MILR1: variants seen among roughly 807,000 people sequenced by gnomAD.
MILR1 encodes mast cell immunoglobulin like receptor 1.
Under a neutral mutation model 18.5 loss-of-function variants are expected in MILR1, and 31 were observed. The ratio of observed to expected loss-of-function variants is 1.68; its 90% CI spans 1.26 to 2.26. The LOEUF (loss-of-function observed/expected upper bound fraction) is 2.26, where lower values mean the gene tolerates loss of function less well. Ranked by LOEUF, MILR1 falls within the 30% of genes most tolerant of loss-of-function variation. The pLI is 0.00. For missense variants in MILR1, 257 were observed against 157.4 expected, an observed-to-expected ratio of 1.63 and a Z score of -3.38; for synonymous variants, 85 against 56.2, an observed-to-expected ratio of 1.51 and a Z score of -2.30.
At chr17:64,482,307 T>C in the MILR1 span, among the ~76,000 whole-genome samples, 5 of 150,740 alleles carry the variant, frequency 3.3e-5, no homozygotes, top group African/African-American at 1.2e-4. Context: ...TTTTGCCATA[T>C]TGGCCAGGCA....
chr17:64,458,248 T>C (rs2144036666), intron 4 of MILR1, among the ~76,000 whole-genome samples: 1 of 151,478 alleles, frequency 6.6e-6, no homozygotes, highest in African/African-American at 2.4e-5. Context: ...AGTGTCACTC[T>C]GTTGCCCAGG....
chr17:64,457,418 T>G lies in MILR1; in HGVS notation c.386T>G (p.Val129Gly). Residue 129 changes from valine to glycine, a missense_variant, in exon 4 of 10, where the codon GTG (valine) becomes GGG (glycine). Transcript: ENST00000619286. ...CTTCCAGACCCGGTGACTTCCCCAGTGCTGAACATTATGGTCATTCAAACA... is the reference window on the plus strand; with the variant it reads ...CTTCCAGACCCGGTGACTTCCCCAGGGCTGAACATTATGGTCATTCAAACA... ...FTIVDPVTSP[V>G]LNIMVIQTET... 2.1e-6 allele frequency: 1 copy of G among 475,412 alleles called. No individual in the cohort carries two copies. Among genetic ancestry groups the G allele is most frequent in the Non-Finnish European group, 3.9e-6 (1 of 259,064 alleles). 29.4% of individuals were successfully genotyped at this position (475,412 alleles called of 1,614,324 possible).
the MILR1 span, chr17:64,485,791 G>A: frequency 6.2e-7 from 1 of 1,612,326 alleles, no homozygotes; most frequent in African/African-American, 1.3e-5. Flanking sequence ...AATCATAGAG[G>A]TAGGCCAGCA....
chr17:64,455,915 C>G (rs2037288406), intron 3 of MILR1, among the ~76,000 whole-genome samples: 4 of 151,980 alleles, frequency 2.6e-5, no homozygotes, highest in Non-Finnish European at 5.9e-5. Context: ...TGGTGGGCAC[C>G]TGTAATCCCC....
chr17:64,470,758 A>T (rs537036256), downstream of MILR1, among the ~76,000 whole-genome samples: 94 of 152,138 alleles, frequency 6.2e-4, no homozygotes, highest in Non-Finnish European at 1.2e-3. Flanking sequence ...GATAAATGAG[A>T]GTGGCTTAAA....
chr17:64,451,577 T>C (rs2037170696), intron 2 of MILR1, among the ~76,000 whole-genome samples: 1 of 152,000 alleles, frequency 6.6e-6, no homozygotes, highest in Admixed American at 6.6e-5. Context: ...CTAGCATTCC[T>C]AGATAAAAAA....
chr17:64,465,554 T>C lies in MILR1; in HGVS notation c.853+13T>C. 6.3e-7 allele frequency: 1 copy of C among 1,596,142 alleles called. No homozygotes were observed. The highest frequency in any genetic ancestry group is 8.5e-7 in the Non-Finnish European group (1 of 1,171,284). ...GAAAAACAAGCAAGTAAGAGAACTT[T>C]GTTGCGTGTTTTGGGTGGTTTCAGG... On this transcript the variant is annotated intron_variant, in intron 6 of 9. Coordinates refer to ENST00000619286, the MANE Select transcript of MILR1 (RefSeq NM_001085423.2).
the MILR1 span, among the ~76,000 whole-genome samples, chr17:64,479,706 ACT>A: frequency 6.6e-6 from 1 of 152,180 alleles, no homozygotes; most frequent in African/African-American, 2.4e-5. Context: ...GATATTGGTG[ACT>A]CTAACTTGGG....
chr17:64,491,677 TGAA>T, the MILR1 span: 1 of 1,227,972 alleles, frequency 8.1e-7, no homozygotes. Flanking sequence ...TACATCAACG[TGAA>T]GAAGGGGAGC....
At chr17:64,497,258 A>T in the MILR1 span, among the ~76,000 whole-genome samples, 1 of 152,226 alleles carries the variant, frequency 6.6e-6, no homozygotes, top group Non-Finnish European at 1.5e-5. Flanking sequence ...AGTAAAGGTT[A>T]TTCCCACCTA....
At chr17:64,477,711 C>T in the MILR1 span, 1 of 1,159,314 alleles carries the variant, frequency 8.6e-7, no homozygotes, top group East Asian at 2.7e-5. Context: ...TGAATGAAAG[C>T]AAGCACCACA....
chr17:64,492,909 T>C, the MILR1 span: 1 of 1,614,144 alleles, frequency 6.2e-7, no homozygotes. Context: ...TAACACCATT[T>C]CGTATCTGCT....
At chr17:64,484,482 GAGA>G in the MILR1 span, among the ~76,000 whole-genome samples, 2 of 152,152 alleles carry the variant, frequency 1.3e-5, no homozygotes, top group Non-Finnish European at 2.9e-5. Context: ...TGAGTGAGAT[GAGA>G]AGCTTTCCTG....
chr17:64,479,793 G>T, the MILR1 span, among the ~76,000 whole-genome samples: 1 of 152,178 alleles, frequency 6.6e-6, no homozygotes, highest in Admixed American at 6.5e-5. Flanking sequence ...TAGACTGGAT[G>T]TAGAGAATGA....
At chr17:64,456,778 G>A (rs1476798385) in intron 3 of MILR1, among the ~76,000 whole-genome samples, 2 of 152,052 alleles carry the variant, frequency 1.3e-5, no homozygotes, top group African/African-American at 2.4e-5. Flanking sequence ...CTCCAGCATG[G>A]TTGAAAGAGC....
At chr17:64,462,295 G>A (rs963044736) in intron 5 of MILR1, among the ~76,000 whole-genome samples, 2 of 152,026 alleles carry the variant, frequency 1.3e-5, no homozygotes, top group African/African-American at 4.8e-5. Context: ...CTCCCACAGT[G>A]TTGGGATTAT....
chr17:64,451,992 G>A (rs928490847), intron 2 of MILR1, among the ~76,000 whole-genome samples: 8 of 151,178 alleles, frequency 5.3e-5, no homozygotes, highest in African/African-American at 1.9e-4. Context: ...CCAGATCAAA[G>A]AGTGGGAGGA....
chr17:64,489,931 GT>G, the MILR1 span, among the ~76,000 whole-genome samples: 135 of 143,406 alleles, frequency 9.4e-4, no homozygotes, highest in East Asian at 0.015. Context: ...TAATTTTTTT[GT>G]TTTTTTTTTT....
At chr17:64,459,702 A>G (rs1351907860) in intron 4 of MILR1, among the ~76,000 whole-genome samples, 3 of 152,256 alleles carry the variant, frequency 2.0e-5, no homozygotes, top group African/African-American at 7.2e-5. Flanking sequence ...ATAAAATGGG[A>G]GTGATGCCAA....
Sources: gnomAD v4.1 joint callset for allele counts (sites outside exome capture counted in the v4.1 genomes callset) on GRCh38, gnomAD v4.1.1 for gene constraint, MANE v1.5 for transcripts, NCBI Gene and HGNC (gene_info 2026-07-23, HGNC 2026-07-21) for gene names.